The following CCDC102B variants were observed in gnomAD, a reference collection of about 807,000 sequenced individuals.
CCDC102B encodes the protein coiled-coil domain containing 102B.
A neutral mutation model predicts 57.4 loss-of-function variants in CCDC102B; 75 were observed. That is an observed-to-expected ratio of 1.31 (90% CI 1.08 to 1.58). The LOEUF is 1.58. Ranked by LOEUF, CCDC102B falls within the 40% of genes most tolerant of loss-of-function variation. The probability of loss-of-function intolerance (pLI) is 0.00; values close to 1 mark genes in which losing one functional copy is unlikely to be tolerated. For missense variants in CCDC102B, 636 were observed against 582.6 expected (o/e 1.09, Z -0.94); for synonymous variants, 206 against 201.9 (o/e 1.02, Z -0.17).
chr18:69,001,002 T>C (rs902470748), intron 6 of CCDC102B, among the ~76,000 whole-genome samples: 1 of 152,212 alleles, frequency 6.6e-6, no homozygotes, highest in Non-Finnish European at 1.5e-5. Context: ...AGTGTTCTAC[T>C]AATAAGTTCA....
At chr18:68,747,240 C>T (rs138132688) in intron 2 of CCDC102B, among the ~76,000 whole-genome samples, 1 of 151,990 alleles carries the variant, frequency 6.6e-6, no homozygotes, top group East Asian at 1.9e-4. Flanking sequence ...TTCTCTGCTC[C>T]CCTTCCCATC....
At chr18:68,973,566 C>T (rs189557355) in intron 6 of CCDC102B, among the ~76,000 whole-genome samples, 5 of 152,148 alleles carry the variant, frequency 3.3e-5, no homozygotes, top group Admixed American at 2.6e-4. Flanking sequence ...GTGGTGGGTA[C>T]ACTTTTTCTT....
At chr18:68,759,482 TCA>T (rs151197356) in intron 2 of CCDC102B, among the ~76,000 whole-genome samples, 5,730 of 152,136 alleles carry the variant, frequency 0.038, 175 homozygotes, top group Non-Finnish European at 0.058. Flanking sequence ...CAGGTGACAG[TCA>T]CATACAAAGG....
chr18:68,917,189 G>A (rs12970786), intron 6 of CCDC102B, among the ~76,000 whole-genome samples: 44,679 of 151,680 alleles, frequency 0.29, 7,393 homozygotes, highest in Non-Finnish European at 0.37. Flanking sequence ...TTTCTTTTTG[G>A]AGACAATTTA....
intron 6 of CCDC102B, among the ~76,000 whole-genome samples, chr18:68,911,751 C>CAAA (rs74175338): frequency 0.19 from 3,483 of 17,920 alleles, 648 homozygotes; most frequent in Non-Finnish European, 0.25. Flanking sequence ...GACTCCGTCT[C>CAAA]AAAAAAAAAA....
intron 6 of CCDC102B, among the ~76,000 whole-genome samples, chr18:68,930,682 G>T (rs2041640220): frequency 6.6e-6 from 1 of 151,922 alleles, no homozygotes; most frequent in African/African-American, 2.4e-5. Flanking sequence ...GAGAAATTGT[G>T]TAAATGTGAG....
chr18:68,980,849 G>A (rs181408891), intron 6 of CCDC102B, among the ~76,000 whole-genome samples: 1 of 152,044 alleles, frequency 6.6e-6, no homozygotes. Context: ...GTAGGACATC[G>A]TATGGACACT....
intron 2 of CCDC102B, among the ~76,000 whole-genome samples, chr18:68,719,524 CACAG>C (rs1457211633): frequency 1.1e-4 from 16 of 152,158 alleles, no homozygotes; most frequent in Admixed American, 6.5e-5. Context: ...TCAGCTCAAA[CACAG>C]ACAGTGAATT....
intron 7 of CCDC102B, among the ~76,000 whole-genome samples, chr18:69,043,962 C>G (rs1396810359): frequency 6.6e-6 from 1 of 152,042 alleles, no homozygotes; most frequent in Non-Finnish European, 1.5e-5. Flanking sequence ...AATTTTAGTT[C>G]AGAATGTCTG....
chr18:69,033,934 T>C (rs1033360316), intron 7 of CCDC102B, among the ~76,000 whole-genome samples: 3 of 152,084 alleles, frequency 2.0e-5, no homozygotes, highest in African/African-American at 7.2e-5. Context: ...TTATTTGAAA[T>C]TTCCAAATGC....
intron 4 of CCDC102B, among the ~76,000 whole-genome samples, chr18:68,848,698 G>C (rs1228826950): frequency 6.6e-6 from 1 of 151,946 alleles, no homozygotes. Context: ...TGTCTATATT[G>C]ATTCAGAATT....
At chr18:68,889,923 T>G (rs1048975967) in intron 5 of CCDC102B, among the ~76,000 whole-genome samples, 1 of 152,204 alleles carries the variant, frequency 6.6e-6, no homozygotes, top group Non-Finnish European at 1.5e-5. Context: ...TTAATTGCTT[T>G]CAGGCATGCA....
intron 2 of CCDC102B, among the ~76,000 whole-genome samples, chr18:68,775,043 T>A (rs1039062727): frequency 6.6e-6 from 1 of 151,210 alleles, no homozygotes; most frequent in Non-Finnish European, 1.5e-5. Context: ...TTTTTTGTTT[T>A]GTCTTTTCAC....
At chr18:68,904,687 ATG>A (rs2040563679) in intron 6 of CCDC102B, among the ~76,000 whole-genome samples, 1 of 152,152 alleles carries the variant, frequency 6.6e-6, no homozygotes, top group South Asian at 2.1e-4. Context: ...TCTCAAATGC[ATG>A]CACACACACA....
intron 1 of CCDC102B, among the ~76,000 whole-genome samples, chr18:68,835,293 TTCC>T (rs963267722): frequency 5.9e-5 from 9 of 152,160 alleles, no homozygotes; most frequent in African/African-American, 2.2e-4. Flanking sequence ...GCTGTAAAGT[TTCC>T]TCATTTCTAA....
At chr18:68,750,042 G>T (rs1184431369) in intron 2 of CCDC102B, among the ~76,000 whole-genome samples, 2 of 151,988 alleles carry the variant, frequency 1.3e-5, no homozygotes, top group African/African-American at 2.4e-5. Flanking sequence ...CTGACAAAGG[G>T]CTAATATCCA....
chr18:68,984,977 G>C (rs948590640), intron 6 of CCDC102B, among the ~76,000 whole-genome samples: 2 of 151,722 alleles, frequency 1.3e-5, no homozygotes, highest in African/African-American at 4.9e-5. Context: ...ATGTTTTGGA[G>C]ATAATCTCAG....
intron 5 of CCDC102B, among the ~76,000 whole-genome samples, chr18:68,895,448 T>G (rs2040209913): frequency 6.6e-6 from 1 of 151,852 alleles, no homozygotes; most frequent in Admixed American, 6.6e-5. Flanking sequence ...AACATTTTTC[T>G]AAATGTTGAC....
intron 4 of CCDC102B, chr18:68,866,910 G>A (rs1487488311): frequency 1.1e-4 from 63 of 580,986 alleles, no homozygotes; most frequent in Non-Finnish European, 6.6e-6. Flanking sequence ...ACCTGGAGTG[G>A]GATCTCACCC....
Sources: allele counts gnomAD v4.1 joint callset (sites outside exome capture counted in the v4.1 genomes callset), GRCh38; gene constraint gnomAD v4.1.1; transcripts MANE v1.5; gene names NCBI Gene and HGNC (gene_info 2026-07-23, HGNC 2026-07-21).